Variants in UBAP2L observed in about 807,000 individuals in gnomAD.
The protein encoded by UBAP2L is ubiquitin-associated protein 2-like.
In UBAP2L, 12 loss-of-function variants were observed where a neutral mutation model predicts 130.6. The observed-to-expected ratio is 0.09, with a 90% CI of 0.06 to 0.15. The LOEUF (loss-of-function observed/expected upper bound fraction) is 0.15, where lower values mean the gene tolerates loss of function less well. Among genes scored for constraint, UBAP2L ranks in the 10% least tolerant of loss-of-function variants. The probability of loss-of-function intolerance (pLI) is 1.00; values close to 1 mark genes in which losing one functional copy is unlikely to be tolerated. For missense variants in UBAP2L, 965 were observed against 1,332.5 expected, an observed-to-expected ratio of 0.72 and a Z score of 4.29; for synonymous variants, 503 against 524.7, an observed-to-expected ratio of 0.96 and a Z score of 0.57.
Position 154,225,219 on chromosome 1 carries a change from T to TAA in UBAP2L, c.90+7_90+8dup. ...AGCACAAGCAGCGGCCACAGGTAAA[T>TAA]AATCCAAGGCATACGGATTCATGGA... is the stretch of plus-strand genomic sequence containing the variant. On this transcript the variant is annotated splice_region_variant and intron_variant, in intron 2 of 26. Transcript: ENST00000428931. The TAA allele has an allele frequency of 6.2e-7, 1 of 1,613,880 alleles. No individual in the cohort carries two copies. Among genetic ancestry groups the TAA allele is most frequent in the East Asian group, 2.2e-5 (1 of 44,868 alleles).
chr1:154,235,202 G>A lies in UBAP2L; in HGVS notation c.455G>A (p.Gly152Asp), dbSNP rs1020720230. ...RGASRGREFR[G>D]QENGLDGTKS... ...ATTTTTATTTTTATTTCAGTTCGAG[G>A]TCAGGAAAATGGATTGGATGGCACC... Residue 152 changes from glycine to aspartate, a missense_variant, in exon 6 of 27, where the codon GGT becomes GAT. Gly to Asp is a moderately conservative substitution (Grantham distance 94, BLOSUM62 -1). Transcript: ENST00000428931. The A allele has an allele frequency of 5.2e-6, 4 of 769,502 alleles. No homozygotes were observed. The highest frequency in any genetic ancestry group is 9.6e-6 in the Non-Finnish European group (4 of 415,216). The allele number at this position is 769,502 out of a possible 1,614,324, so 47.7% of individuals were successfully genotyped here. A position where few individuals can be genotyped will look rare whatever the true frequency, so the allele number is the denominator to read the frequency against.
chr1:154,244,539 A>G (rs1317389142), intron 10 of UBAP2L, among the ~76,000 whole-genome samples: 2 of 151,862 alleles, frequency 1.3e-5, no homozygotes, highest in Non-Finnish European at 2.9e-5. Flanking sequence ...TACCCAGCTA[A>G]TTTTTTATTT....
rs762240663 is a variant in UBAP2L at position 154,235,240 on chromosome 1, C to G, written c.493C>G (p.Pro165Ala). 14 of 778,778 alleles carry G rather than the reference C, an allele frequency of 1.8e-5. No homozygotes were observed. In the African/African-American group the frequency reaches 2.0e-4, roughly 11 times the overall value. 48.2% of individuals were successfully genotyped at this position (778,778 alleles called of 1,614,324 possible). Residue 165 changes from proline (P) to alanine (A), a missense_variant, in exon 6 of 27, where the codon CCT becomes GCT. This residue lies in a region of UBAP2L where 109 missense variants were observed against 146.6 expected (regional missense o/e 0.74). Transcript: ENST00000428931. ...NGLDGTKSGG[P>A]SGRGTERGRR... ...ATTGGATGGCACCAAGAGTGGAGGG[C>G]CTTCTGGAAGAGGAACAGAAAGAGG... is the stretch of plus-strand genomic sequence containing the variant.
intron 10 of UBAP2L, among the ~76,000 whole-genome samples, chr1:154,244,423 T>G (rs994714946): frequency 1.3e-5 from 2 of 152,216 alleles, no homozygotes; most frequent in Non-Finnish European, 2.9e-5. Flanking sequence ...TCACCCAGGC[T>G]GGAGTGCAGT....
At chr1:154,263,397 A>G in intron 24 of UBAP2L, 1 of 1,284,866 alleles carries the variant, frequency 7.8e-7, no homozygotes, top group South Asian at 2.6e-5. Flanking sequence ...CCTTCGAAGC[A>G]TCAATGCACA....
intron 8 of UBAP2L, among the ~76,000 whole-genome samples, chr1:154,239,372 A>AT (rs1672747001): frequency 6.6e-6 from 1 of 151,936 alleles, no homozygotes; most frequent in African/African-American, 2.4e-5. Flanking sequence ...ATTTTTGTAG[A>AT]TTTTTATGAG....
intron 4 of UBAP2L, among the ~76,000 whole-genome samples, chr1:154,232,255 C>T (rs1670071605): frequency 6.7e-6 from 1 of 149,322 alleles, no homozygotes; most frequent in South Asian, 2.1e-4. Flanking sequence ...ACCTGGGAGG[C>T]GGAGGTTGCA....
At chr1:154,243,438 C>T (rs1452335488) in intron 10 of UBAP2L, 136 bp downstream of exon 10, 4 of 658,268 alleles carry the variant, frequency 6.1e-6, no homozygotes, top group Admixed American at 7.0e-5. Context: ...CATTACATTC[C>T]TCTTAAGTTG....
intron 4 of UBAP2L, among the ~76,000 whole-genome samples, chr1:154,230,924 C>T (rs1303667048): frequency 2.0e-5 from 3 of 152,174 alleles, no homozygotes; most frequent in Non-Finnish European, 4.4e-5. Flanking sequence ...GTTACAGTTT[C>T]CTGAAACTTG....
intron 1 of UBAP2L, among the ~76,000 whole-genome samples, 173 bp from the exon 2 acceptor site, chr1:154,224,911 C>T (rs900184930): frequency 6.6e-6 from 1 of 152,204 alleles, no homozygotes; most frequent in African/African-American, 2.4e-5. Context: ...AATGGATTAA[C>T]AGCCATAGCT....
intron 4 of UBAP2L, among the ~76,000 whole-genome samples, chr1:154,229,608 C>A (rs1239419559): frequency 1.3e-5 from 2 of 152,016 alleles, no homozygotes; most frequent in Non-Finnish European, 2.9e-5. Flanking sequence ...GGACCACAGG[C>A]ATGGGCCACC....
chr1:154,247,278 G>A (rs142022258), intron 11 of UBAP2L, among the ~76,000 whole-genome samples: 3 of 152,118 alleles, frequency 2.0e-5, no homozygotes, highest in Non-Finnish European at 4.4e-5. Context: ...AATGTTTTTT[G>A]TGTGTGTTAA....
At position 154,235,288 on chromosome 1, in the gene UBAP2L, A is replaced by C; in HGVS notation, c.541A>C (p.Arg181=). 1.3e-6 allele frequency: 1 copy of C among 767,632 alleles called. No individual in the cohort carries two copies. The highest frequency in any genetic ancestry group is 2.4e-5 in the East Asian group (1 of 41,002). 47.6% of individuals were successfully genotyped at this position (767,632 alleles called of 1,614,324 possible). A position where few individuals can be genotyped will look rare whatever the true frequency, so the allele number is the denominator to read the frequency against. The part of the protein sequence containing the change: ...ERGRRGRGRG[R]GGSGRRGGRF... ...AGGCAGAAGGGGCCGTGGCCGAGGCAGAGGTGATCAGTTTGTTGGGGGATG... is the reference window on the plus strand; with the variant it reads ...AGGCAGAAGGGGCCGTGGCCGAGGCCGAGGTGATCAGTTTGTTGGGGGATG... Residue 181 remains arginine (R), a synonymous_variant, in exon 6 of 27, where the codon AGA becomes CGA. Transcript: ENST00000428931.
intron 24 of UBAP2L, among the ~76,000 whole-genome samples, chr1:154,263,696 T>C (rs1682351252): frequency 6.6e-6 from 1 of 152,168 alleles, no homozygotes; most frequent in Admixed American, 6.5e-5. Flanking sequence ...GATTAGTTGG[T>C]AAAGGAAACT....
At chr1:154,245,053 T>C (rs1410163323) in intron 10 of UBAP2L, among the ~76,000 whole-genome samples, 1 of 152,164 alleles carries the variant, frequency 6.6e-6, no homozygotes, top group Non-Finnish European at 1.5e-5. Flanking sequence ...TGCCTCAGCC[T>C]CCCGAGTAGC....
At chr1:154,253,736 A>G (rs569201791) in intron 14 of UBAP2L, among the ~76,000 whole-genome samples, 164 bp from the exon 15 acceptor site, 41 of 152,150 alleles carry the variant, frequency 2.7e-4, no homozygotes, top group South Asian at 1.0e-3. Flanking sequence ...AGGGATTCCT[A>G]GTGTTATCAG....
At chr1:154,254,660 G>A (rs1679013624) in intron 15 of UBAP2L, 176 bp from the exon 16 acceptor site, 2 of 646,082 alleles carry the variant, frequency 3.1e-6, no homozygotes, top group Non-Finnish European at 5.2e-6. Flanking sequence ...TTTAATTTTT[G>A]TTCCTATTTT....
At chr1:154,249,126 G>C in intron 11 of UBAP2L, 113 bp from the exon 12 acceptor site, 1 of 951,872 alleles carries the variant, frequency 1.1e-6, no homozygotes, top group Admixed American at 1.9e-5. Flanking sequence ...CAGTGTGACA[G>C]TATTCTTTAC....
intron 15 of UBAP2L, 116 bp downstream of exon 15, chr1:154,254,205 T>G (rs1344954968): frequency 1.0e-6 from 1 of 1,002,504 alleles, no homozygotes; most frequent in African/African-American, 1.7e-5. Context: ...AAGTAGTGAT[T>G]GAGAATTTGA....
Sources: allele counts gnomAD v4.1 joint callset (sites outside exome capture counted in the v4.1 genomes callset), GRCh38; gene constraint gnomAD v4.1.1; regional missense constraint gnomAD v4.1.1; transcripts MANE v1.5; gene names NCBI Gene and HGNC (gene_info 2026-07-23, HGNC 2026-07-21).